The following ME1 variants were observed in gnomAD, a reference collection of about 807,000 sequenced individuals.
The protein encoded by ME1 is malic enzyme 1.
In ME1, 74 loss-of-function variants were observed where a neutral mutation model predicts 66.4. The observed-to-expected ratio is 1.11, with a 90% CI of 0.92 to 1.35. ME1 has a LOEUF of 1.35. Among genes scored for constraint, ME1 ranks in the 40% most tolerant of loss-of-function variants. The pLI is 0.00. For missense variants in ME1, 750 were observed against 694.1 expected (o/e 1.08, Z -0.90); for synonymous variants, 251 against 235.6 (o/e 1.07, Z -0.60).
At chr6:83,367,902 A>G (rs1769128607) in intron 3 of ME1, among the ~76,000 whole-genome samples, 1 of 152,210 alleles carries the variant, frequency 6.6e-6, no homozygotes, top group Non-Finnish European at 1.5e-5. Context: ...GTTTGGCACA[A>G]GAGGCCTAGC....
chr6:83,322,819 C>A (rs949274318), intron 5 of ME1, among the ~76,000 whole-genome samples: 1 of 152,156 alleles, frequency 6.6e-6, no homozygotes, highest in Non-Finnish European at 1.5e-5. Context: ...CACAAAGATA[C>A]TCCTCGACAA....
chr6:83,319,109 C>T (rs1320268498), intron 5 of ME1, among the ~76,000 whole-genome samples: 1 of 149,072 alleles, frequency 6.7e-6, no homozygotes, highest in Non-Finnish European at 1.5e-5. Flanking sequence ...ACAATGAGAA[C>T]ACATGGACAC....
chr6:83,213,405 C>T (rs1164510598), intron 13 of ME1, among the ~76,000 whole-genome samples: 1 of 151,898 alleles, frequency 6.6e-6, no homozygotes, highest in East Asian at 2.0e-4. Flanking sequence ...GCCTGGGCAA[C>T]AAGAGCAAAA....
chr6:83,333,644 G>A (rs541967551), intron 5 of ME1, among the ~76,000 whole-genome samples: 1 of 152,196 alleles, frequency 6.6e-6, no homozygotes, highest in South Asian at 2.1e-4. Context: ...GTAATATGTT[G>A]GAGCATTTCT....
At chr6:83,215,608 A>G (rs887818918) in intron 13 of ME1, among the ~76,000 whole-genome samples, 3 of 152,212 alleles carry the variant, frequency 2.0e-5, no homozygotes, top group African/African-American at 2.4e-5. Context: ...CTATAATCCA[A>G]TTTGATAGGT....
Position 83,237,190 on chromosome 6 carries a change from A to T in ME1, c.1026+527T>A, listed in dbSNP as rs1790415125. Among the ~76,000 whole-genome samples, 4 of 148,536 alleles carry T rather than the reference A, an allele frequency of 2.7e-5. No individual in the cohort carries two copies. The South Asian group carries it at 8.6e-4, about 32-fold the overall frequency. ...AGCCTGAGTGACAAAGTGAGACCCTACCTCAAAAACAGAGAGAGAGAGAGA... is the reference window on the plus strand; with the variant it reads ...AGCCTGAGTGACAAAGTGAGACCCTTCCTCAAAAACAGAGAGAGAGAGAGA... On this transcript the variant is annotated intron_variant, in intron 9 of 13. Transcript: ENST00000369705.
chr6:83,333,859 T>C (rs1562483941), intron 5 of ME1, among the ~76,000 whole-genome samples: 1 of 152,192 alleles, frequency 6.6e-6, no homozygotes, highest in South Asian at 2.1e-4. Flanking sequence ...AAAAAAATAC[T>C]TGCCCCAAAA....
chr6:83,373,120 T>C (rs986822673), intron 3 of ME1, among the ~76,000 whole-genome samples: 1 of 152,246 alleles, frequency 6.6e-6, no homozygotes, highest in Non-Finnish European at 1.5e-5. Context: ...CGAGCATTTA[T>C]TCCTGTTAAA....
At chr6:83,264,785 A>T (rs1264621767) in intron 6 of ME1, among the ~76,000 whole-genome samples, 4 of 152,188 alleles carry the variant, frequency 2.6e-5, no homozygotes, top group Admixed American at 2.6e-4. Context: ...TTTCTGGATG[A>T]GCAAAGAAAG....
At chr6:83,288,220 G>A (rs1299960124) in intron 6 of ME1, among the ~76,000 whole-genome samples, 1 of 151,998 alleles carries the variant, frequency 6.6e-6, no homozygotes, top group African/African-American at 2.4e-5. Flanking sequence ...TAGACATGAA[G>A]TATTTGCCCA....
chr6:83,231,358 T>C (rs994838842), intron 9 of ME1, among the ~76,000 whole-genome samples: 1 of 152,188 alleles, frequency 6.6e-6, no homozygotes, highest in African/African-American at 2.4e-5. Context: ...AAAGGCTTGA[T>C]TCCTGGTATG....
chr6:83,282,923 G>A (rs539128260), intron 6 of ME1, among the ~76,000 whole-genome samples: 3 of 152,056 alleles, frequency 2.0e-5, no homozygotes, highest in African/African-American at 7.2e-5. Flanking sequence ...GGATTACTAT[G>A]CAGCCATAAA....
chr6:83,372,426 TA>T (rs1769207493), intron 3 of ME1, among the ~76,000 whole-genome samples: 1 of 152,200 alleles, frequency 6.6e-6, no homozygotes. Flanking sequence ...TTACCTTTCA[TA>T]TCTCTCTTTC....
chr6:83,367,588 G>C (rs903123891), intron 3 of ME1, among the ~76,000 whole-genome samples: 1 of 152,100 alleles, frequency 6.6e-6, no homozygotes, highest in Non-Finnish European at 1.5e-5. Context: ...GTACTTTTAT[G>C]TTATAAAGAT....
intron 13 of ME1, 50 bp from the exon 14 acceptor site, chr6:83,212,144 T>C: frequency 7.6e-7 from 1 of 1,312,660 alleles, no homozygotes; most frequent in Non-Finnish European, 1.0e-6. Context: ...GAGGTAATCA[T>C]GAGCCCATGT....
chr6:83,391,871 CCA>C (rs1380799863), intron 3 of ME1, among the ~76,000 whole-genome samples: 1 of 152,136 alleles, frequency 6.6e-6, no homozygotes, highest in Non-Finnish European at 1.5e-5. Context: ...CCAATGAGAC[CCA>C]CAGTGTCCAC....
chr6:83,345,913 C>G (rs1227814457), intron 5 of ME1, among the ~76,000 whole-genome samples: 1 of 151,904 alleles, frequency 6.6e-6, no homozygotes, highest in Non-Finnish European at 1.5e-5. Context: ...AACATATATT[C>G]TATAGAATAA....
intron 6 of ME1, among the ~76,000 whole-genome samples, chr6:83,284,097 T>C (rs1031573421): frequency 3.3e-5 from 5 of 152,088 alleles, no homozygotes; most frequent in Admixed American, 1.3e-4. Flanking sequence ...TCAGAGACTA[T>C]TATGAACACC....
intron 6 of ME1, among the ~76,000 whole-genome samples, chr6:83,272,157 T>C (rs1447006429): frequency 6.6e-6 from 1 of 152,180 alleles, no homozygotes; most frequent in Non-Finnish European, 1.5e-5. Flanking sequence ...AATGTGGACA[T>C]CATTAAACCA....
Sources: gnomAD v4.1 joint callset for allele counts (sites outside exome capture counted in the v4.1 genomes callset) on GRCh38, gnomAD v4.1.1 for gene constraint, MANE v1.5 for transcripts, NCBI Gene and HGNC (gene_info 2026-07-23, HGNC 2026-07-21) for gene names.